Variants in CDH20 observed in about 807,000 individuals in gnomAD.
The protein encoded by CDH20 is cadherin 20, also known as cadherin-20.
Under a neutral mutation model 74.2 loss-of-function variants are expected in CDH20, and 29 were observed. The observed-to-expected ratio is 0.39, with a 90% CI of 0.29 to 0.53. The LOEUF (loss-of-function observed/expected upper bound fraction) is 0.53. CDH20 is among the 20% of genes least tolerant of loss of function. CDH20 has a pLI of 0.69. For synonymous variants in CDH20, 469 were observed against 405.4 expected (o/e 1.16, Z -1.88); for missense variants, 988 against 1,048.3 (o/e 0.94, Z 0.79).
At chr18:61,370,304 C>T (rs1476349066) in intron 1 of CDH20, among the ~76,000 whole-genome samples, 1 of 152,026 alleles carries the variant, frequency 6.6e-6, no homozygotes, top group Non-Finnish European at 1.5e-5. Flanking sequence ...TCATAGGATG[C>T]TTGCTGCCTG....
At chr18:61,355,478 A>T (rs981994752) in intron 1 of CDH20, among the ~76,000 whole-genome samples, 22 of 152,350 alleles carry the variant, frequency 1.4e-4, no homozygotes, top group African/African-American at 5.3e-4. Context: ...GAAAGAACAC[A>T]TGTAGCCAAG....
intron 9 of CDH20, among the ~76,000 whole-genome samples, chr18:61,542,210 C>T (rs921325892): frequency 3.9e-5 from 6 of 152,138 alleles, no homozygotes; most frequent in Admixed American, 6.5e-5. Context: ...TGTCTCCAGG[C>T]AGGATAGGAC....
At chr18:61,515,221 C>T (rs1053502608) in intron 6 of CDH20, among the ~76,000 whole-genome samples, 2 of 152,110 alleles carry the variant, frequency 1.3e-5, no homozygotes, top group African/African-American at 2.4e-5. Context: ...TTTTTAAGCC[C>T]GTCGGAAAAG....
chr18:61,506,933 A>G (rs492260), intron 5 of CDH20, among the ~76,000 whole-genome samples: 151,973 of 152,252 alleles, frequency 1, 75,847 homozygotes, highest in Non-Finnish European at 1. Flanking sequence ...TCAGCACACA[A>G]GCCAGGCCAT....
chr18:61,473,422 C>T (rs1204072161), intron 1 of CDH20, among the ~76,000 whole-genome samples: 1 of 152,134 alleles, frequency 6.6e-6, no homozygotes, highest in African/African-American at 2.4e-5. Context: ...GGCTTGGTTC[C>T]TGTTAGACTG....
chr18:61,335,388 A>T (rs1343151663), intron 1 of CDH20, among the ~76,000 whole-genome samples: 1 of 152,156 alleles, frequency 6.6e-6, no homozygotes, highest in Admixed American at 6.6e-5. Context: ...TGCAGCAGAA[A>T]GCTGGGCGAG....
chr18:61,390,946 A>C (rs530879976), intron 1 of CDH20, among the ~76,000 whole-genome samples: 1 of 152,296 alleles, frequency 6.6e-6, no homozygotes, highest in Non-Finnish European at 1.5e-5. Context: ...CTACAACCAT[A>C]AAGAAAACCA....
chr18:61,459,274 G>T (rs891831666), intron 1 of CDH20, among the ~76,000 whole-genome samples: 10 of 152,100 alleles, frequency 6.6e-5, no homozygotes, highest in Admixed American at 1.3e-4. Context: ...ATGGGATATA[G>T]GTTCAATGTA....
chr18:61,525,863 GT>G (rs1912378104), intron 6 of CDH20, among the ~76,000 whole-genome samples: 1 of 151,840 alleles, frequency 6.6e-6, no homozygotes, highest in Non-Finnish European at 1.5e-5. Flanking sequence ...CTACGGTGCA[GT>G]GGTGCCATCA....
At chr18:61,401,555 C>G (rs1599060367) in intron 1 of CDH20, among the ~76,000 whole-genome samples, 1 of 152,290 alleles carries the variant, frequency 6.6e-6, no homozygotes, top group Non-Finnish European at 1.5e-5. Flanking sequence ...CATGACTCTA[C>G]ATATTTATAA....
At position 61,503,123 on chromosome 18, in the gene CDH20, G is replaced by A; in HGVS notation, c.829+3G>A. 1.2e-6 allele frequency: 2 copies of A among 1,601,366 alleles called. No homozygotes were observed. The highest frequency in any genetic ancestry group is 2.7e-5 in the African/African-American group (2 of 74,728). On this transcript the variant is annotated splice_donor_region_variant and intron_variant, in intron 5 of 11. Coordinates refer to ENST00000262717, the MANE Select transcript of CDH20 (RefSeq NM_031891.4). ...TAACCCACCCCGCTTTCCCCAGAGT[G>A]AGTACCTAACCCAAGAGAGCACAGA... is the stretch of plus-strand genomic sequence containing the variant.
intron 10 of CDH20, chr18:61,549,740 CA>C (rs34384219): frequency 0.77 from 359,780 of 466,502 alleles, 137,108 homozygotes; most frequent in East Asian, 0.88. Flanking sequence ...AAGACAGACT[CA>C]AAAAAAAAAG....
At chr18:61,379,332 T>C (rs1911356013) in intron 1 of CDH20, among the ~76,000 whole-genome samples, 1 of 152,214 alleles carries the variant, frequency 6.6e-6, no homozygotes, top group African/African-American at 2.4e-5. Flanking sequence ...AAATTTTTCT[T>C]AGGGCTCTTT....
chr18:61,458,382 G>C (rs1039304107), intron 1 of CDH20, among the ~76,000 whole-genome samples: 2 of 152,086 alleles, frequency 1.3e-5, no homozygotes, highest in East Asian at 1.9e-4. Context: ...CCCATTCTTT[G>C]CCATATTTGG....
intron 1 of CDH20, among the ~76,000 whole-genome samples, chr18:61,368,488 G>A (rs2144149887): frequency 6.6e-6 from 1 of 151,834 alleles, no homozygotes; most frequent in South Asian, 2.1e-4. Flanking sequence ...CATATGTTTG[G>A]GGGTAAATAG....
At chr18:61,421,003 AT>A (rs1912858634) in intron 1 of CDH20, among the ~76,000 whole-genome samples, 1 of 152,182 alleles carries the variant, frequency 6.6e-6, no homozygotes, top group African/African-American at 2.4e-5. Flanking sequence ...GGGAGCTGAG[AT>A]TGCACCACTG....
chr18:61,351,199 G>T (rs1419635223), intron 1 of CDH20, among the ~76,000 whole-genome samples: 2 of 152,134 alleles, frequency 1.3e-5, no homozygotes. Flanking sequence ...ATGGTTAAGT[G>T]CACTGTCTAC....
At chr18:61,342,630 G>A (rs943503018) in intron 1 of CDH20, among the ~76,000 whole-genome samples, 2 of 152,136 alleles carry the variant, frequency 1.3e-5, no homozygotes, top group Non-Finnish European at 2.9e-5. Flanking sequence ...TCCCACTTGG[G>A]ACAACACAAA....
At chr18:61,359,366 AG>A (rs1332113122) in intron 1 of CDH20, among the ~76,000 whole-genome samples, 1 of 151,942 alleles carries the variant, frequency 6.6e-6, no homozygotes, top group Non-Finnish European at 1.5e-5. Flanking sequence ...AGGGACAAAA[AG>A]CTAGGTGAGC....
Sources: gnomAD v4.1 joint callset for allele counts (sites outside exome capture counted in the v4.1 genomes callset) on GRCh38, gnomAD v4.1.1 for gene constraint, MANE v1.5 for transcripts, NCBI Gene and HGNC (gene_info 2026-07-23, HGNC 2026-07-21) for gene names.